Variants in HDX observed in about 807,000 individuals in gnomAD.
HDX encodes the protein chromosome X open reading frame 43.
In HDX, 19 loss-of-function variants were observed where a neutral mutation model predicts 45.2. That is an observed-to-expected ratio of 0.42 (90% confidence interval 0.29 to 0.62). The LOEUF (loss-of-function observed/expected upper bound fraction) is 0.62, where lower values mean the gene tolerates loss of function less well. Ranked by LOEUF, HDX falls within the 20% of genes least tolerant of loss-of-function variation. HDX has a pLI of 0.20. For missense variants in HDX, 532 were observed against 493.9 expected (o/e 1.08, Z -0.73); for synonymous variants, 188 against 172.8 (o/e 1.09, Z -0.69).
chrX:84,472,284 T>C (rs1401920581), intron 3 of HDX, among the ~76,000 whole-genome samples: 1 of 111,320 alleles, frequency 9.0e-6, no homozygotes, highest in Non-Finnish European at 1.9e-5. Context: ...GATAGATATT[T>C]ATATAGTGTA....
chrX:84,391,169 T>G (rs1373822747), intron 5 of HDX, among the ~76,000 whole-genome samples: 1 of 107,954 alleles, frequency 9.3e-6, no homozygotes, highest in Non-Finnish European at 1.9e-5. Flanking sequence ...GAGATAAACG[T>G]TTTTAGCTGT....
chrX:84,362,262 ATGT>A (rs1389135644), intron 5 of HDX, among the ~76,000 whole-genome samples: 7 of 111,113 alleles, frequency 6.3e-5, no homozygotes, highest in African/African-American at 2.3e-4. Context: ...TCGGATTTAC[ATGT>A]TGTTTTATTT....
intron 7 of HDX, 70 bp downstream of exon 7, chrX:84,344,180 A>G: frequency 1.2e-6 from 1 of 830,631 alleles, no homozygotes; most frequent in Non-Finnish European, 1.8e-6. Flanking sequence ...AATGCAGTAA[A>G]CTGAAAATCA....
At position 84,324,709 on chromosome X, in the gene HDX, T is replaced by C. The variant is rs184507021; in HGVS notation, c.1947+1469A>G. On this transcript the variant is annotated intron_variant, in intron 10 of 10. Transcript: ENST00000373177. ...ATGAAGTTAGAATTAGAAAATAAAA[T>C]GGGGTCTGTGTACTATTCCTAGATG... Among the ~76,000 whole-genome samples, 633 of 111,236 alleles carry C rather than the reference T, an allele frequency of 5.7e-3. 2 individuals carry two copies. The highest frequency in any genetic ancestry group is 9.3e-3 in the Non-Finnish European group (490 of 52,756).
intron 6 of HDX, among the ~76,000 whole-genome samples, chrX:84,345,705 C>T (rs779125052): frequency 9.0e-6 from 1 of 111,444 alleles, no homozygotes; most frequent in African/African-American, 3.2e-5. Flanking sequence ...AAGAATCTGT[C>T]AAATTGTTTT....
chrX:84,457,084 C>A (rs1569353915), intron 4 of HDX, among the ~76,000 whole-genome samples: 1 of 111,774 alleles, frequency 8.9e-6, no homozygotes, highest in Non-Finnish European at 1.9e-5. Context: ...TTCTTCCCCT[C>A]AGCACAAGGA....
intron 5 of HDX, among the ~76,000 whole-genome samples, chrX:84,420,626 C>T (rs1294371573): frequency 9.0e-6 from 1 of 111,063 alleles, no homozygotes; most frequent in East Asian, 2.8e-4. Flanking sequence ...ATATCAATAT[C>T]CAAGTGCAAA....
chrX:84,428,126 G>A (rs1012226967), intron 5 of HDX, among the ~76,000 whole-genome samples: 1 of 109,838 alleles, frequency 9.1e-6, no homozygotes, highest in Admixed American at 9.7e-5. Context: ...ATTTTTTATC[G>A]GGTTTGTTCC....
chrX:84,334,699 A>C lies in HDX; in HGVS notation c.1741-857T>G, dbSNP rs767865115. On this transcript the variant is annotated intron_variant, in intron 8 of 10. Coordinates refer to ENST00000373177, the MANE Select transcript of HDX (RefSeq NM_001177479.2). The stretch of plus-strand genomic sequence containing the variant: ...AAAAAAAAAAAAAAGGTATAAGTAA[A>C]ATCAGCTCTAATTTTTCTTTCACAT... Among the ~76,000 whole-genome samples, 3 of 109,749 alleles carry C rather than the reference A, an allele frequency of 2.7e-5. No homozygotes were observed. The East Asian group carries it at 8.6e-4, about 31-fold the overall frequency.
intron 10 of HDX, among the ~76,000 whole-genome samples, chrX:84,323,415 C>A (rs1377914782): frequency 9.0e-6 from 1 of 110,763 alleles, no homozygotes; most frequent in East Asian, 2.8e-4. Flanking sequence ...GGATTTAACT[C>A]GCTTTGCAAT....
intron 4 of HDX, among the ~76,000 whole-genome samples, chrX:84,440,974 C>T (rs1338773193): frequency 9.3e-6 from 1 of 107,195 alleles, no homozygotes; most frequent in African/African-American, 3.3e-5. Context: ...AGATAATATA[C>T]TCTGAGACAC....
chrX:84,403,106 GA>G (rs1457352063), intron 5 of HDX, among the ~76,000 whole-genome samples: 8 of 110,395 alleles, frequency 7.2e-5, no homozygotes, highest in Middle Eastern at 4.7e-3. Context: ...AACTTTGGGG[GA>G]AAAAAAGTCA....
At chrX:84,478,158 T>C (rs1253632292) in intron 2 of HDX, among the ~76,000 whole-genome samples, 1 of 112,178 alleles carries the variant, frequency 8.9e-6, no homozygotes, top group Non-Finnish European at 1.9e-5. Flanking sequence ...AACATACCTA[T>C]ATTTTTAGTA....
chrX:84,474,700 A>G (rs2040514851), intron 3 of HDX, among the ~76,000 whole-genome samples: 1 of 112,453 alleles, frequency 8.9e-6, no homozygotes, highest in Admixed American at 9.4e-5. Context: ...TCAAGAATGT[A>G]GCAGCTCTGA....
intron 2 of HDX, among the ~76,000 whole-genome samples, chrX:84,478,651 T>A (rs2040605992): frequency 9.0e-6 from 1 of 111,692 alleles, no homozygotes; most frequent in African/African-American, 3.3e-5. Context: ...ACCAGGAATT[T>A]GAAACCAGCT....
intron 4 of HDX, among the ~76,000 whole-genome samples, chrX:84,466,504 C>T (rs2040355138): frequency 8.9e-6 from 1 of 111,799 alleles, no homozygotes; most frequent in African/African-American, 3.2e-5. Flanking sequence ...GGTTGCCTTT[C>T]TTTTAAGAAG....
chrX:84,406,447 C>G (rs1181675834), intron 5 of HDX, among the ~76,000 whole-genome samples: 1 of 103,092 alleles, frequency 9.7e-6, no homozygotes, highest in Non-Finnish European at 2.0e-5. Flanking sequence ...GAAATTTGAG[C>G]TAAAACCTGG....
At chrX:84,422,463 A>G (rs902487655) in intron 5 of HDX, among the ~76,000 whole-genome samples, 2 of 110,846 alleles carry the variant, frequency 1.8e-5, no homozygotes, top group Admixed American at 9.7e-5. Flanking sequence ...AGAAAAGCAG[A>G]AGAGATCAAA....
chrX:84,342,889 A>T (rs1324674444), intron 7 of HDX, among the ~76,000 whole-genome samples: 1 of 111,607 alleles, frequency 9.0e-6, no homozygotes, highest in African/African-American at 3.2e-5. Context: ...AGAAAACATC[A>T]TAAGCAAAAT....
Sources: gnomAD v4.1 joint callset for allele counts (sites outside exome capture counted in the v4.1 genomes callset) on GRCh38, gnomAD v4.1.1 for gene constraint, MANE v1.5 for transcripts, NCBI Gene and HGNC (gene_info 2026-07-23, HGNC 2026-07-21) for gene names.